TJP1: variants seen among roughly 807,000 people sequenced by gnomAD.
TJP1 encodes the protein tight junction protein 1, also known as tight junction protein ZO-1.
In TJP1, 43 loss-of-function variants were observed where a neutral mutation model predicts 194.2. That is an observed-to-expected ratio of 0.22 (90% CI 0.17 to 0.29). The LOEUF (loss-of-function observed/expected upper bound fraction) is 0.29. Ranked by LOEUF, TJP1 falls within the 10% of genes least tolerant of loss-of-function variation. The probability of loss-of-function intolerance (pLI) is 1.00; values close to 1 mark genes in which losing one functional copy is unlikely to be tolerated. For missense variants in TJP1, 1,971 were observed against 2,185.7 expected (o/e 0.90, Z 1.96); for synonymous variants, 801 against 779.0 (o/e 1.03, Z -0.47).
intron 2 of TJP1, among the ~76,000 whole-genome samples, chr15:29,952,366 T>A (rs1295048242): frequency 6.6e-6 from 1 of 152,146 alleles, no homozygotes; most frequent in Non-Finnish European, 1.5e-5. Context: ...AGGATGCCAA[T>A]CAATTATCCT....
chr15:29,701,719 A>G (rs2041554056), intron 27 of TJP1, 30 bp from the exon 28 acceptor site: 1 of 1,540,086 alleles, frequency 6.5e-7, no homozygotes, highest in East Asian at 2.2e-5. Flanking sequence ...GATGTCATTT[A>G]CAGTTCAGTA....
intron 8 of TJP1, among the ~76,000 whole-genome samples, chr15:29,744,947 A>G (rs1370307011): frequency 6.6e-6 from 1 of 152,178 alleles, no homozygotes; most frequent in Non-Finnish European, 1.5e-5. Flanking sequence ...AGTGTATTAG[A>G]AGACTATCAT....
intron 2 of TJP1, among the ~76,000 whole-genome samples, chr15:29,927,508 A>G (rs1338508152): frequency 6.6e-6 from 1 of 152,234 alleles, no homozygotes; most frequent in Admixed American, 6.5e-5. Flanking sequence ...AGAGGAAAAA[A>G]TAAATATACT....
At chr15:29,735,100 A>G (rs151199510) in intron 11 of TJP1, among the ~76,000 whole-genome samples, 2 of 152,250 alleles carry the variant, frequency 1.3e-5, no homozygotes, top group African/African-American at 2.4e-5. Flanking sequence ...ATTTACTTCT[A>G]TTAGAAGCTT....
intron 2 of TJP1, among the ~76,000 whole-genome samples, chr15:29,886,231 A>T (rs767472331): frequency 3.3e-5 from 5 of 152,228 alleles, no homozygotes; most frequent in African/African-American, 1.2e-4. Flanking sequence ...TGCAAAACTT[A>T]ATATGAGCTT....
At chr15:29,877,508 A>T (rs764989207) in intron 2 of TJP1, among the ~76,000 whole-genome samples, 14 of 152,100 alleles carry the variant, frequency 9.2e-5, no homozygotes, top group Non-Finnish European at 1.8e-4. Flanking sequence ...AGCATGAGCC[A>T]CCACACCTGG....
At chr15:29,714,041 A>G (rs890223015) in intron 23 of TJP1, among the ~76,000 whole-genome samples, 1 of 152,198 alleles carries the variant, frequency 6.6e-6, no homozygotes, top group Non-Finnish European at 1.5e-5. Flanking sequence ...GGATGCACCT[A>G]GTATACCATG....
intron 2 of TJP1, among the ~76,000 whole-genome samples, chr15:29,847,216 T>A (rs2051446872): frequency 6.6e-6 from 1 of 151,976 alleles, no homozygotes; most frequent in African/African-American, 2.4e-5. Flanking sequence ...AATCTTTTCC[T>A]CTCAGCTTCC....
intron 2 of TJP1, among the ~76,000 whole-genome samples, chr15:29,797,511 G>C (rs1247261128): frequency 1.3e-5 from 2 of 149,722 alleles, no homozygotes; most frequent in Non-Finnish European, 3.0e-5. Context: ...AGAAAGAAAA[G>C]GCAAATCACA....
At position 29,718,271 on chromosome 15, in the gene TJP1, A is replaced by G. The variant is rs762568570; in HGVS notation, c.3871T>C (p.Phe1291Leu). Residue 1291 changes from phenylalanine (F) to leucine (L), a missense_variant, in exon 21 of 28, where the codon TTT becomes CTT. Transcript: ENST00000614355. Reference sequence around the variant, plus strand: ...GGCACTAAAGACATATTTACCTTAAAACTGCCAGTGTCATTTACATCCTTC... The same window carrying G: ...GGCACTAAAGACATATTTACCTTAAGACTGCCAGTGTCATTTACATCCTTC... ...TKKDVNDTGS[F>L]KPPEVASKPS... 5 of 1,612,218 alleles carry G rather than the reference A, an allele frequency of 3.1e-6. No individual in the cohort carries two copies. The South Asian group carries it at 5.5e-5, about 18-fold the overall frequency.
At chr15:29,781,153 C>T (rs1800741219) in intron 2 of TJP1, among the ~76,000 whole-genome samples, 1 of 151,892 alleles carries the variant, frequency 6.6e-6, no homozygotes, top group African/African-American at 2.4e-5. Context: ...TACCACTGAC[C>T]CCACAGGAAT....
At chr15:29,834,284 A>C (rs553301959) in intron 2 of TJP1, among the ~76,000 whole-genome samples, 62 of 148,132 alleles carry the variant, frequency 4.2e-4, no homozygotes, top group African/African-American at 1.5e-3. Context: ...TGCAGTGGCG[A>C]GATCTCGGCT....
Position 29,822,401 on chromosome 15 carries a change from G to A in TJP1, c.-373C>T, listed in dbSNP as rs2050460306. 1.0e-6 allele frequency: 1 copy of A among 998,676 alleles called. No individual in the cohort carries two copies. Among genetic ancestry groups the A allele is most frequent in the Non-Finnish European group, 1.2e-6 (1 of 838,642 alleles). 61.9% of individuals were successfully genotyped at this position (998,676 alleles called of 1,614,324 possible). ...AGCCGGCTTCGCCACGTAACTTCCC[G>A]GGAACCGGCGGCCGCCAAGGAACGC... On this transcript the variant is annotated 5_prime_UTR_variant, in exon 1 of 28. Transcript: ENST00000614355.
intron 2 of TJP1, among the ~76,000 whole-genome samples, chr15:29,894,246 G>A (rs953356290): frequency 3.9e-5 from 6 of 152,180 alleles, no homozygotes; most frequent in African/African-American, 1.4e-4. Context: ...ATCACTTGAG[G>A]TCAGGAATTT....
At chr15:29,879,698 C>A (rs906467903) in intron 2 of TJP1, among the ~76,000 whole-genome samples, 1 of 145,806 alleles carries the variant, frequency 6.9e-6, no homozygotes, top group Non-Finnish European at 1.5e-5. Context: ...TCGCATATAG[C>A]TTAGACTCTC....
At chr15:29,818,894 T>A (rs2050129336) in intron 1 of TJP1, among the ~76,000 whole-genome samples, 1 of 152,072 alleles carries the variant, frequency 6.6e-6, no homozygotes, top group Admixed American at 6.6e-5. Flanking sequence ...CTCAGCTCAA[T>A]GCAACCTCCG....
chr15:29,743,288 A>T (rs1454250297), intron 8 of TJP1, among the ~76,000 whole-genome samples: 2 of 152,228 alleles, frequency 1.3e-5, no homozygotes, highest in Non-Finnish European at 2.9e-5. Flanking sequence ...AATAATTGGG[A>T]AACATATATA....
In TJP1 at chr15:29,733,251, A is replaced by G. The variant is rs773736469; in HGVS notation, c.1579T>C (p.Tyr527His). The change falls in exon 13 of 28, where the codon TAT (tyrosine) becomes CAT (histidine). Residue 527 changes from tyrosine (Y) to histidine (H), a missense_variant. Tyr to His is a moderately conservative substitution (Grantham distance 83). Coordinates refer to ENST00000614355, the MANE Select transcript of TJP1 (RefSeq NM_001330239.4). The part of the protein sequence containing the change: ...DSFYIRTHFE[Y>H]EKESPYGLSF... ...AGTCCATAGGGAGATTCCTTTTCAT[A>G]TTCAAAATGGGTTCTAATATAGAAA... 1 of 1,614,014 alleles carries G rather than the reference A, an allele frequency of 6.2e-7. No individual in the cohort carries two copies. The highest frequency in any genetic ancestry group is 1.1e-5 in the South Asian group (1 of 91,080).
rs11464931 is a variant in TJP1 at position 29,700,721 on chromosome 15, C to CAA, written c.*872_*873dup. 2,249 of 142,202 alleles carry CAA rather than the reference C, an allele frequency of 0.016. 19 individuals are homozygous for CAA. Among genetic ancestry groups the CAA allele is most frequent in the Non-Finnish European group, 0.018 (1,398 of 76,286 alleles). 8.8% of individuals were successfully genotyped at this position (142,202 alleles called of 1,614,324 possible). On this transcript the variant is annotated 3_prime_UTR_variant, in exon 28 of 28. Transcript: ENST00000614355. The stretch of plus-strand genomic sequence containing the variant: ...ACAGAAAACCACCACTGCCCCTTGT[C>CAA]AAAAAAAAAAAAAAAGAAAAGAAAA...
Sources: allele counts gnomAD v4.1 joint callset (sites outside exome capture counted in the v4.1 genomes callset), GRCh38; gene constraint gnomAD v4.1.1; transcripts MANE v1.5; gene names NCBI Gene and HGNC (gene_info 2026-07-23, HGNC 2026-07-21).